The following NLGN1 variants were observed in gnomAD, a reference collection of about 807,000 sequenced individuals.
The protein encoded by NLGN1 is neuroligin 1.
NLGN1 carries 12 observed loss-of-function variants against 65.5 expected under a neutral mutation model. That is an observed-to-expected ratio of 0.18 (90% CI 0.12 to 0.30). The LOEUF is 0.30. Among genes scored for constraint, NLGN1 ranks in the 10% least tolerant of loss-of-function variants. NLGN1 has a pLI of 1.00. For missense variants in NLGN1, 750 were observed against 1,007.1 expected, an observed-to-expected ratio of 0.74 and a Z score of 3.46; for synonymous variants, 350 against 359.5, an observed-to-expected ratio of 0.97 and a Z score of 0.30.
chr3:173,853,913 A>G (rs1008827546), intron 4 of NLGN1, among the ~76,000 whole-genome samples: 4 of 151,944 alleles, frequency 2.6e-5, no homozygotes, highest in African/African-American at 4.8e-5. Context: ...TATTAAATTT[A>G]TATACATTTG....
At chr3:173,486,934 C>G (rs1576925029) in intron 2 of NLGN1, among the ~76,000 whole-genome samples, 1 of 150,896 alleles carries the variant, frequency 6.6e-6, no homozygotes, top group African/African-American at 2.4e-5. Context: ...CTGATATATG[C>G]ATTTAAGCTT....
intron 4 of NLGN1, among the ~76,000 whole-genome samples, chr3:173,979,601 T>C (rs1718312819): frequency 6.6e-6 from 1 of 152,132 alleles, no homozygotes; most frequent in South Asian, 2.1e-4. Context: ...GTTAGTGTAA[T>C]TGAGCACCAG....
chr3:173,933,393 A>T (rs1038241482), intron 4 of NLGN1, among the ~76,000 whole-genome samples: 4 of 152,132 alleles, frequency 2.6e-5, no homozygotes, highest in Non-Finnish European at 5.9e-5. Context: ...CAAGGCCAGA[A>T]CTTCAAAGGA....
At chr3:173,704,995 G>T (rs1442812284) in intron 3 of NLGN1, among the ~76,000 whole-genome samples, 1 of 152,086 alleles carries the variant, frequency 6.6e-6, no homozygotes, top group Non-Finnish European at 1.5e-5. Flanking sequence ...TTTCTTTAGT[G>T]GAAAATTACT....
intron 3 of NLGN1, among the ~76,000 whole-genome samples, chr3:173,697,433 T>A (rs1766386697): frequency 2.0e-5 from 3 of 152,216 alleles, no homozygotes; most frequent in African/African-American, 2.4e-5. Flanking sequence ...GTTTTATTTT[T>A]CATTGTCTGA....
In NLGN1 at chr3:174,272,665, G is replaced by GATA. The variant is rs1749643965; in HGVS notation, c.647-2650_647-2649insATA. Among the ~76,000 whole-genome samples the GATA allele has an allele frequency of 6.9e-4, 80 of 116,654 alleles. 1 individual carries two copies. The highest frequency in any genetic ancestry group is 9.1e-3 in the Middle Eastern group (2 of 220). 76.5% of individuals were successfully genotyped at this position (116,654 alleles called of 152,430 possible). A position where few individuals can be genotyped will look rare whatever the true frequency, so the allele number is the denominator to read the frequency against. ...TGATGATATGGATGGATGGATGGATGGATAGATAGATAGATAGATAGATAG... is the reference window on the plus strand; with the variant it reads ...TGATGATATGGATGGATGGATGGATGATAGATAGATAGATAGATAGATAGATAG... On this transcript the variant is annotated intron_variant, in intron 4 of 6. Transcript: ENST00000457714.
intron 2 of NLGN1, chr3:173,584,427 T>C (rs1188770569): frequency 7.0e-6 from 1 of 142,404 alleles, no homozygotes; most frequent in Admixed American, 7.1e-5. Flanking sequence ...TTTTTTTTTT[T>C]TTTTTGCGAG....
At chr3:173,596,373 C>T (rs912883722) in intron 2 of NLGN1, among the ~76,000 whole-genome samples, 46 of 152,150 alleles carry the variant, frequency 3.0e-4, no homozygotes, top group Admixed American at 2.4e-3. Flanking sequence ...AAGGAGGCAG[C>T]GTTTGTCTTT....
intron 4 of NLGN1, among the ~76,000 whole-genome samples, chr3:173,865,615 A>C (rs1729997637): frequency 6.6e-6 from 1 of 152,184 alleles, no homozygotes; most frequent in African/African-American, 2.4e-5. Flanking sequence ...AAGATTACCC[A>C]GCTGGGAAGC....
intron 3 of NLGN1, among the ~76,000 whole-genome samples, chr3:173,729,811 T>G (rs13078324): frequency 5.3e-5 from 8 of 152,072 alleles, no homozygotes; most frequent in African/African-American, 1.9e-4. Flanking sequence ...GACCCATACA[T>G]TGGTGGTTCT....
At chr3:173,697,810 G>A (rs564932281) in intron 3 of NLGN1, among the ~76,000 whole-genome samples, 27 of 152,240 alleles carry the variant, frequency 1.8e-4, no homozygotes, top group African/African-American at 5.5e-4. Flanking sequence ...GATTACAGGC[G>A]TGAGCCACTG....
intron 4 of NLGN1, among the ~76,000 whole-genome samples, chr3:174,250,610 C>G (rs1744591310): frequency 6.6e-6 from 1 of 152,152 alleles, no homozygotes; most frequent in South Asian, 2.1e-4. Flanking sequence ...AAAGCCTGCA[C>G]TGCCTGAGTC....
intron 4 of NLGN1, among the ~76,000 whole-genome samples, chr3:174,079,891 G>A (rs527364650): frequency 6.6e-6 from 1 of 152,160 alleles, no homozygotes; most frequent in South Asian, 2.1e-4. Context: ...ATTGAAGGGT[G>A]GAGGATGGAA....
intron 4 of NLGN1, among the ~76,000 whole-genome samples, chr3:173,908,960 A>G (rs1419034657): frequency 1.3e-5 from 2 of 152,138 alleles, no homozygotes; most frequent in Non-Finnish European, 2.9e-5. Context: ...GCCAGACTCA[A>G]GTAGCTTAAA....
chr3:174,200,048 G>A (rs1274347721), intron 4 of NLGN1, among the ~76,000 whole-genome samples: 1 of 152,138 alleles, frequency 6.6e-6, no homozygotes, highest in Non-Finnish European at 1.5e-5. Context: ...ATAGCTCCTC[G>A]TGTGATCAGC....
chr3:173,808,157 C>G lies in NLGN1; in HGVS notation c.646+325C>G, dbSNP rs560709952. On this transcript the variant is annotated intron_variant, in intron 4 of 6. Transcript: ENST00000457714. ...CTTCTGCTTTTCTGTTTACAATACT[C>G]TAAGTTTCCCTGAGGTTTGGCGTGA... Among the ~76,000 whole-genome samples, 6 of 152,218 alleles carry G rather than the reference C, an allele frequency of 3.9e-5. No individual in the cohort carries two copies. The East Asian group carries it at 7.7e-4, about 20-fold the overall frequency.
chr3:174,109,374 G>A (rs528581054), intron 4 of NLGN1, among the ~76,000 whole-genome samples: 4 of 151,780 alleles, frequency 2.6e-5, no homozygotes, highest in East Asian at 1.9e-4. Flanking sequence ...TAGTTTGCAC[G>A]TAAAGTCACT....
chr3:174,026,778 A>T (rs1280876799), intron 4 of NLGN1, among the ~76,000 whole-genome samples: 1 of 152,200 alleles, frequency 6.6e-6, no homozygotes, highest in Non-Finnish European at 1.5e-5. Context: ...CAACAAGCAA[A>T]CAAAACCACT....
chr3:174,095,430 C>T (rs1745304350), intron 4 of NLGN1, among the ~76,000 whole-genome samples: 1 of 151,742 alleles, frequency 6.6e-6, no homozygotes, highest in Non-Finnish European at 1.5e-5. Flanking sequence ...AGATTGTACA[C>T]ATGATAGGGG....
Sources: gnomAD v4.1 joint callset for allele counts (sites outside exome capture counted in the v4.1 genomes callset) on GRCh38, gnomAD v4.1.1 for gene constraint, MANE v1.5 for transcripts, NCBI Gene and HGNC (gene_info 2026-07-23, HGNC 2026-07-21) for gene names.